SPATA31C2: variants seen among roughly 807,000 people sequenced by gnomAD.
The protein encoded by SPATA31C2 is spermatogenesis-associated protein 31C2.
Under a neutral mutation model 11.4 loss-of-function variants are expected in SPATA31C2, and 5 were observed. The ratio of observed to expected loss-of-function variants is 0.44; its 90% CI spans 0.23 to 0.92. The LOEUF (loss-of-function observed/expected upper bound fraction) is 0.92. SPATA31C2 is among the 40% of genes least tolerant of loss of function. The probability of loss-of-function intolerance (pLI) is 0.24; values close to 1 mark genes in which losing one functional copy is unlikely to be tolerated. For synonymous variants in SPATA31C2, 515 were observed against 538.7 expected, an observed-to-expected ratio of 0.96 and a Z score of 0.61; for missense variants, 1,353 against 1,368.6, an observed-to-expected ratio of 0.99 and a Z score of 0.18.
Position 88,132,392 on chromosome 9 carries a change from G to A in SPATA31C2, c.645C>T (p.Arg215=). The change falls in exon 4 of 4, where the codon CGC becomes CGT. Residue 215 remains arginine (R), a synonymous_variant. Coordinates refer to ENST00000324915, the MANE Select transcript of SPATA31C2 (RefSeq NM_001350978.3). ...EPPALFPHPP[R]TPDPLACSPP... ...GAGAGCAGGCCAGAGGATCAGGAGT[G>A]CGTGGTGGGTGAGGGAAAAGTGCAG... 6.2e-7 allele frequency: 1 copy of A among 1,611,174 alleles called. No individual in the cohort carries two copies. The highest frequency in any genetic ancestry group is 8.5e-7 in the Non-Finnish European group (1 of 1,178,084).
Position 88,129,755 on chromosome 9 carries a change from G to T in SPATA31C2, c.3282C>A (p.Cys1094Ter). 6.2e-7 allele frequency: 1 copy of T among 1,603,936 alleles called. No homozygotes were observed. Among genetic ancestry groups the T allele is most frequent in the African/African-American group, 1.3e-5 (1 of 74,782 alleles). Residue 1094 changes from cysteine (C) to a stop codon, truncating the protein, a stop_gained, in exon 4 of 4, where the codon TGC (cysteine) becomes TGA (stop). Coordinates refer to ENST00000324915, the MANE Select transcript of SPATA31C2 (RefSeq NM_001350978.3). LOFTEE classifies it low-confidence loss of function (END_TRUNC). Reference protein sequence around the residue: ...QFQAPVCGFPCNHRHPFYSEH... With the variant: ...QFQAPVCGFP ...CTGAGTAGAACGGGTGTCTGTGGTT[G>T]CAGGGAAACCCACAGACTGGGGCTT...
intron 3 of SPATA31C2, 106 bp downstream of exon 3, chr9:88,132,860 C>G (rs576027608): frequency 7.6e-7 from 1 of 1,310,938 alleles, no homozygotes; most frequent in Non-Finnish European, 1.0e-6. Flanking sequence ...CTCCCATCCT[C>G]TGTCCCCCTG....
Position 88,130,969 on chromosome 9 carries a change from A to C in SPATA31C2, c.2068T>G (p.Ser690Ala), listed in dbSNP as rs1343976248. ...LSLIQLAGPS[S>A]DTCESGAGSK... ...CCAGCCCCAGATTCGCAGGTGTCTG[A>C]GGAGGGACCAGCAAGCTGTATAAGG... The change falls in exon 4 of 4, where the codon TCA becomes GCA. Residue 690 changes from serine to alanine, a missense_variant. This residue lies in a region of SPATA31C2 where 1,075 missense variants were observed against 992.8 expected (regional missense o/e 1.08). Transcript: ENST00000324915. The C allele has an allele frequency of 6.2e-7, 1 of 1,612,844 alleles. No individual in the cohort carries two copies. Among genetic ancestry groups the C allele is most frequent in the African/African-American group, 1.3e-5 (1 of 75,020 alleles).
Position 88,131,198 on chromosome 9 carries a change from G to C in SPATA31C2, c.1839C>G (p.His613Gln). The C allele has an allele frequency of 1.2e-6, 2 of 1,611,818 alleles. No individual in the cohort carries two copies. Among genetic ancestry groups the C allele is most frequent in the Non-Finnish European group, 8.5e-7 (1 of 1,179,866 alleles). The change falls in exon 4 of 4, where the codon CAC (histidine) becomes CAG (glutamine). Residue 613 changes from histidine to glutamine, a missense_variant. Physicochemically the swap from His to Gln is conservative, Grantham distance 24. This residue lies in a region of SPATA31C2 where 1,075 missense variants were observed against 992.8 expected (regional missense o/e 1.08). Coordinates refer to ENST00000324915, the MANE Select transcript of SPATA31C2 (RefSeq NM_001350978.3). Reference protein sequence around the residue: ...VNQAFPVSNTHVKTSNLAAPK... With the variant: ...VNQAFPVSNTQVKTSNLAAPK... ...GGGCTGCTAGATTGCTGGTTTTCAC[G>C]TGGGTGTTGGAGACGGGAAAAGCCT...
At chr9:88,133,383 G>A (rs971274260) in intron 2 of SPATA31C2, among the ~76,000 whole-genome samples, 7 of 84,046 alleles carry the variant, frequency 8.3e-5, no homozygotes, top group Non-Finnish European at 1.6e-4. Context: ...GGTCTCCCCA[G>A]GACACACACA....
intron 1 of SPATA31C2, 96 bp from the exon 2 acceptor site, chr9:88,133,765 G>C (rs1825641036): frequency 7.0e-7 from 1 of 1,431,444 alleles, no homozygotes; most frequent in Admixed American, 1.9e-5. Context: ...GCATGGCTCT[G>C]TCTGTCTTGC....
rs561113991 is a variant in SPATA31C2, at chr9:88,133,546, G to A, written c.265+48C>T. On this transcript the variant is annotated intron_variant, in intron 2 of 3. Transcript: ENST00000324915. ...ACTTCTTCAGAGTCAGTTCCCTCCC[G>A]GACAGATGAGATCAAATTAACTCTA... 2.4e-4 allele frequency: 377 copies of A among 1,597,360 alleles called. 3 individuals carry two copies. The East Asian group carries it at 6.2e-3, about 26-fold the overall frequency.
chr9:88,131,952 G>C lies in SPATA31C2; in HGVS notation c.1085C>G (p.Pro362Arg). The stretch of plus-strand genomic sequence containing the variant: ...GGATAGAAAAGCAGGAGATAGGACT[G>C]GGAAAGAGGATTGAAGATGGGCCTG... ...EAQAHLQSSF[P>R]VLSPAFLSPM... The change falls in exon 4 of 4, where the codon CCA becomes CGA. Residue 362 changes from proline (P) to arginine (R), a missense_variant. By Grantham distance (103) the Pro-to-Arg change is moderately radical. This residue lies in a region of SPATA31C2 where 1,075 missense variants were observed against 992.8 expected (regional missense o/e 1.08). Coordinates refer to ENST00000324915, the MANE Select transcript of SPATA31C2 (RefSeq NM_001350978.3). The C allele has an allele frequency of 6.2e-7, 1 of 1,611,018 alleles. No individual in the cohort carries two copies. The highest frequency in any genetic ancestry group is 8.5e-7 in the Non-Finnish European group (1 of 1,178,050).
Position 88,132,230 on chromosome 9 carries a change from A to G in SPATA31C2, c.807T>C (p.Ser269=). Residue 269 remains serine, a synonymous_variant, in exon 4 of 4, where the codon TCT becomes TCC. Transcript: ENST00000324915. ...CGCCAAGGCCTGAGATGCCTGGGAC[A>G]GAAGCCGCCAAATCCTCACGTGGAG... The part of the protein sequence containing the change: ...SLSPREDLAA[S]VPGISGLGGS... 6.2e-7 allele frequency: 1 copy of G among 1,610,784 alleles called. No homozygotes were observed. The highest frequency in any genetic ancestry group is 8.5e-7 in the Non-Finnish European group (1 of 1,177,688).
intron 1 of SPATA31C2, among the ~76,000 whole-genome samples, chr9:88,134,313 G>C (rs1376685247): frequency 7.9e-6 from 1 of 126,196 alleles, no homozygotes; most frequent in East Asian, 2.6e-4. Flanking sequence ...GAGACCAGAG[G>C]AGATGCCAGG....
chr9:88,135,778 A>G (rs1386236334), intron 1 of SPATA31C2, among the ~76,000 whole-genome samples: 2 of 138,392 alleles, frequency 1.4e-5, no homozygotes, highest in African/African-American at 5.8e-5. Flanking sequence ...CTGCCTCCCA[A>G]AGTGCTGGGA....
chr9:88,137,922 A>G lies in SPATA31C2; in HGVS notation c.189+336T>C, dbSNP rs1422671117. 1.6e-4 allele frequency among the ~76,000 whole-genome samples: 16 copies of G among 101,540 alleles called. 1 individual carries two copies. Among genetic ancestry groups the G allele is most frequent in the African/African-American group, 2.2e-4 (3 of 13,760 alleles). 66.6% of individuals were successfully genotyped at this position (101,540 alleles called of 152,430 possible). On this transcript the variant is annotated intron_variant, in intron 1 of 3. Transcript: ENST00000324915. Reference sequence around the variant, plus strand: ...GCTCAGGGCCTGGCCTCGGACAGAGACCTCCCATCTCATGACCAGAGACCT... The same window carrying G: ...GCTCAGGGCCTGGCCTCGGACAGAGGCCTCCCATCTCATGACCAGAGACCT...
rs1200210654 is a variant in SPATA31C2 at position 88,132,482 on chromosome 9, G to A, written c.555C>T (p.Ser185=). The change falls in exon 4 of 4, where the codon TCC becomes TCT. Residue 185 remains serine, a synonymous_variant. Transcript: ENST00000324915. ...PPPGPMTTSV[S]SLSASQPPEP... Reference sequence around the variant, plus strand: ...CTGGTGGCTGGGAGGCACTTAGGGAGGAGACTGAGGTGGTCATTGGGCCTG... The same window carrying A: ...CTGGTGGCTGGGAGGCACTTAGGGAAGAGACTGAGGTGGTCATTGGGCCTG... 3 of 1,611,044 alleles carry A rather than the reference G, an allele frequency of 1.9e-6. No homozygotes were observed. The highest frequency in any genetic ancestry group is 2.5e-6 in the Non-Finnish European group (3 of 1,178,060).
Position 88,132,090 on chromosome 9 carries a change from A to G in SPATA31C2, c.947T>C (p.Met316Thr). 3 of 1,610,734 alleles carry G rather than the reference A, an allele frequency of 1.9e-6. No homozygotes were observed. Among genetic ancestry groups the G allele is most frequent in the Non-Finnish European group, 1.7e-6 (2 of 1,177,650 alleles). ...CTGGGCCTGGAAAAGCAGTGGGGAC[A>G]TTGTAGTGTCCCTTTGGCGGGAAAG... ...DHLSRQRDTT[M>T]SPLLFQAQPL... The change falls in exon 4 of 4, where the codon ATG (methionine) becomes ACG (threonine). Residue 316 changes from methionine (M) to threonine (T), a missense_variant. By Grantham distance (81) the Met-to-Thr change is moderately conservative (BLOSUM62 -1). Around this residue, in one of 6 missense-constraint regions of SPATA31C2, gnomAD observed 1,075 missense variants for 992.8 expected, o/e 1.08. Coordinates refer to ENST00000324915, the MANE Select transcript of SPATA31C2 (RefSeq NM_001350978.3).
In SPATA31C2 at chr9:88,130,472, A is replaced by C; in HGVS notation, c.2565T>G (p.Ala855=). The C allele has an allele frequency of 1.2e-6, 2 of 1,613,372 alleles. No individual in the cohort carries two copies. Among genetic ancestry groups the C allele is most frequent in the Non-Finnish European group, 1.7e-6 (2 of 1,179,546 alleles). Residue 855 remains alanine, a synonymous_variant, in exon 4 of 4, where the codon GCT becomes GCG. Coordinates refer to ENST00000324915, the MANE Select transcript of SPATA31C2 (RefSeq NM_001350978.3). ...DPRKLCLMEE[A]VSEFEPGKAT... is the part of the protein sequence containing the mutation. ...CCTTTCCAGGCTCAAATTCACTAAC[A>C]GCCTCCTCCATGAGACACAGCTTTC...
chr9:88,136,434 A>C (rs1465750186), intron 1 of SPATA31C2, among the ~76,000 whole-genome samples: 1 of 143,730 alleles, frequency 7.0e-6, no homozygotes, highest in African/African-American at 2.6e-5. Context: ...ACAATATTCT[A>C]GATATGAGCT....
In SPATA31C2 at chr9:88,132,492, G is replaced by A; in HGVS notation, c.545C>T (p.Thr182Ile). 1.2e-6 allele frequency: 2 copies of A among 1,611,062 alleles called. No individual in the cohort carries two copies. The highest frequency in any genetic ancestry group is 1.7e-6 in the Non-Finnish European group (2 of 1,178,008). Residue 182 changes from threonine to isoleucine, a missense_variant, in exon 4 of 4, where the codon ACC becomes ATC. Thr to Ile is a moderately conservative substitution (Grantham distance 89). This residue lies in a region of SPATA31C2 where 1,075 missense variants were observed against 992.8 expected (regional missense o/e 1.08). Transcript: ENST00000324915. The stretch of plus-strand genomic sequence containing the variant: ...GGAGGCACTTAGGGAGGAGACTGAG[G>A]TGGTCATTGGGCCTGGTGGTGGGGT... Reference protein sequence around the residue: ...ASTPPPGPMTTSVSSLSASQP... With the variant: ...ASTPPPGPMTISVSSLSASQP...
At chr9:88,136,149 G>A (rs1405881659) in intron 1 of SPATA31C2, among the ~76,000 whole-genome samples, 2 of 137,404 alleles carry the variant, frequency 1.5e-5, no homozygotes, top group Non-Finnish European at 3.0e-5. Context: ...TGGCCAGGAT[G>A]GTCTTGTTCT....
rs767734742 is a variant in SPATA31C2, at chr9:88,133,646, T to C, written c.213A>G (p.Pro71=). 1 of 1,593,980 alleles carries C rather than the reference T, an allele frequency of 6.3e-7. No individual in the cohort carries two copies. Among genetic ancestry groups the C allele is most frequent in the East Asian group, 2.3e-5 (1 of 42,664 alleles). The change falls in exon 2 of 4, where the codon CCA becomes CCG. Residue 71 remains proline, a synonymous_variant. Transcript: ENST00000324915. The stretch of plus-strand genomic sequence containing the variant: ...CTCTGGGCCTCCCCCTCCGCCCTGC[T>C]GGACGCTGGGAGACAAGATGACGCT... The part of the protein sequence containing the change: ...KRKRHLVSQR[P]AGRRGRPRGR...
Sources: allele counts gnomAD v4.1 joint callset (sites outside exome capture counted in the v4.1 genomes callset), GRCh38; gene constraint gnomAD v4.1.1; regional missense constraint gnomAD v4.1.1; transcripts MANE v1.5; gene names NCBI Gene and HGNC (gene_info 2026-07-23, HGNC 2026-07-21).